The following TYW1 variants were observed in gnomAD, a reference collection of about 807,000 sequenced individuals.
The protein encoded by TYW1 is tRNA-yW synthesizing protein 1 homolog.
A neutral mutation model predicts 96.2 loss-of-function variants in TYW1; 46 were observed. The ratio of observed to expected loss-of-function variants is 0.48; its 90% CI spans 0.38 to 0.61. TYW1 has a LOEUF of 0.61. TYW1 is among the 20% of genes least tolerant of loss of function. The pLI, the probability that TYW1 is intolerant of heterozygous loss-of-function variation, is 0.00. For synonymous variants in TYW1, 274 were observed against 323.0 expected (o/e 0.85, Z 1.63); for missense variants, 684 against 909.6 (o/e 0.75, Z 3.19).
rs1434475522 is a variant in TYW1, at chr7:67,018,400, G to C, written c.861+257G>C. Among the ~76,000 whole-genome samples the C allele has an allele frequency of 4.6e-5, 7 of 151,784 alleles. No homozygotes were observed. The East Asian group carries it at 1.4e-3, about 30-fold the overall frequency. On this transcript the variant is annotated intron_variant, in intron 6 of 15. Transcript: ENST00000359626. Reference sequence around the variant, plus strand: ...CCACAATAATTTTAAATTTAGCAAGGCATGGTGGTGCATGCCTGTTGTCTC... The same window carrying C: ...CCACAATAATTTTAAATTTAGCAAGCCATGGTGGTGCATGCCTGTTGTCTC...
chr7:67,151,165 C>T (rs1364200896), intron 13 of TYW1, among the ~76,000 whole-genome samples: 2 of 152,138 alleles, frequency 1.3e-5, no homozygotes, highest in African/African-American at 4.8e-5. Flanking sequence ...ATTCTCCTGC[C>T]TCAGCCTCCC....
At position 67,125,145 on chromosome 7, in the gene TYW1, T is replaced by C. The variant is rs1360651157; in HGVS notation, c.1698+7527T>C. ...ACTGCGCCTGGCCTGTCTTTGCCAG[T>C]TTAAACTCTTAATATTGCTTGATAA... On this transcript the variant is annotated intron_variant, in intron 13 of 15. Coordinates refer to ENST00000359626, the MANE Select transcript of TYW1 (RefSeq NM_018264.4). Among the ~76,000 whole-genome samples the C allele has an allele frequency of 2.0e-5, 3 of 152,204 alleles. 1 individual carries two copies. Among genetic ancestry groups the C allele is most frequent in the Admixed American group, 1.3e-4 (2 of 15,264 alleles).
At chr7:67,118,136 C>T (rs1797653162) in intron 13 of TYW1, among the ~76,000 whole-genome samples, 1 of 152,022 alleles carries the variant, frequency 6.6e-6, no homozygotes, top group Non-Finnish European at 1.5e-5. Flanking sequence ...ACCAGCCTGG[C>T]CAACATGGTC....
chr7:67,222,451 C>T (rs1652420847), intron 15 of TYW1, among the ~76,000 whole-genome samples: 2 of 149,684 alleles, frequency 1.3e-5, no homozygotes, highest in African/African-American at 5.0e-5. Context: ...TCGTGTTTTG[C>T]CAGTATAGGA....
chr7:67,234,575 T>C (rs1271091021), intron 15 of TYW1, among the ~76,000 whole-genome samples: 1 of 152,078 alleles, frequency 6.6e-6, no homozygotes, highest in East Asian at 1.9e-4. Flanking sequence ...CCCCACACTA[T>C]GGCATTTTGT....
intron 13 of TYW1, among the ~76,000 whole-genome samples, chr7:67,177,531 T>C (rs1023145590): frequency 1.3e-5 from 2 of 152,118 alleles, no homozygotes; most frequent in African/African-American, 4.8e-5. Context: ...AAGACAAATA[T>C]TCCAACAGAG....
At chr7:67,095,304 G>A (rs1403088909) in intron 11 of TYW1, among the ~76,000 whole-genome samples, 1 of 151,964 alleles carries the variant, frequency 6.6e-6, no homozygotes, top group Non-Finnish European at 1.5e-5. Flanking sequence ...CAACCGAACT[G>A]CATGCTTTTT....
intron 6 of TYW1, among the ~76,000 whole-genome samples, chr7:67,018,636 C>CAT (rs1422591151): frequency 2.6e-5 from 4 of 151,764 alleles, no homozygotes; most frequent in Non-Finnish European, 5.9e-5. Context: ...GGAATTAAGC[C>CAT]ATATCGTGCT....
chr7:67,195,157 A>T lies in TYW1; in HGVS notation c.1810-13A>T, dbSNP rs778606107. 1 of 1,613,210 alleles carries T rather than the reference A, an allele frequency of 6.2e-7. No homozygotes were observed. Among genetic ancestry groups the T allele is most frequent in the Non-Finnish European group, 8.5e-7 (1 of 1,179,590 alleles). ...GTCTGTAGTCATCTCTGATGGTTAT[A>T]CTGTTTCCACAGGGCGTTACCTACT... On this transcript the variant is annotated splice_polypyrimidine_tract_variant and intron_variant, in intron 14 of 15. Coordinates refer to ENST00000359626, the MANE Select transcript of TYW1 (RefSeq NM_018264.4).
chr7:67,012,077 T>G (rs2129240347), intron 4 of TYW1, among the ~76,000 whole-genome samples: 1 of 152,074 alleles, frequency 6.6e-6, no homozygotes, highest in South Asian at 2.1e-4. Context: ...AGGCCAGGCG[T>G]GGTGGCTCTC....
intron 13 of TYW1, among the ~76,000 whole-genome samples, chr7:67,150,070 G>A (rs1449835885): frequency 1.3e-5 from 2 of 151,350 alleles, no homozygotes; most frequent in African/African-American, 4.9e-5. Flanking sequence ...GAAAAACACT[G>A]GAGAATTCCC....
chr7:67,004,088 C>T (rs1015931945), intron 3 of TYW1, among the ~76,000 whole-genome samples: 11 of 152,046 alleles, frequency 7.2e-5, no homozygotes, highest in Admixed American at 6.6e-4. Context: ...TCTAAGTGTG[C>T]GAATTCTTTG....
chr7:67,144,433 C>A (rs1455350668), intron 13 of TYW1, among the ~76,000 whole-genome samples: 3 of 152,150 alleles, frequency 2.0e-5, no homozygotes, highest in African/African-American at 7.2e-5. Context: ...CTACAGGTCA[C>A]CTCTTTGTGT....
In TYW1 at chr7:67,098,453, A is replaced by G; in HGVS notation, c.1385-88A>G. On this transcript the variant is annotated intron_variant, in intron 11 of 15. Transcript: ENST00000359626. ...TTGGTATCAAAAATGAATTTGCTCT[A>G]TAAAATCAAAGCATCATTAAGAAAA... The G allele has an allele frequency of 4.3e-6, 6 of 1,392,548 alleles. No individual in the cohort carries two copies. The South Asian group carries it at 5.1e-5, about 12-fold the overall frequency. 86.3% of individuals were successfully genotyped at this position (1,392,548 alleles called of 1,614,324 possible).
chr7:67,151,130 A>C (rs774522228), intron 13 of TYW1, among the ~76,000 whole-genome samples: 5 of 151,178 alleles, frequency 3.3e-5, no homozygotes, highest in Non-Finnish European at 7.4e-5. Context: ...GGCTCACTGC[A>C]ACCTCCGCCT....
intron 13 of TYW1, among the ~76,000 whole-genome samples, chr7:67,162,510 G>A (rs1799193291): frequency 6.6e-6 from 1 of 152,072 alleles, no homozygotes; most frequent in African/African-American, 2.4e-5. Flanking sequence ...ATAGTTTGGG[G>A]CTGCCCTATA....
At chr7:67,040,205 G>T (rs1298267868) in intron 7 of TYW1, among the ~76,000 whole-genome samples, 2 of 152,092 alleles carry the variant, frequency 1.3e-5, no homozygotes, top group Non-Finnish European at 2.9e-5. Flanking sequence ...TGATCCGCCC[G>T]CCTTGGCCTC....
Position 67,135,761 on chromosome 7 carries a change from A to G in TYW1, c.1698+18143A>G, listed in dbSNP as rs771047525. Among the ~76,000 whole-genome samples, 7 of 152,200 alleles carry G rather than the reference A, an allele frequency of 4.6e-5. No homozygotes were observed. The East Asian group carries it at 5.8e-4, about 13-fold the overall frequency. ...CCTGTCCAGGTATGGCAGCCCCACC[A>G]GTTCCTTGTGTCTGACCTGGAAAGC... On this transcript the variant is annotated intron_variant, in intron 13 of 15. Coordinates refer to ENST00000359626, the MANE Select transcript of TYW1 (RefSeq NM_018264.4).
In TYW1 at chr7:67,201,301, T is replaced by A. The variant is rs976438050; in HGVS notation, c.1977+5964T>A. Among the ~76,000 whole-genome samples the A allele has an allele frequency of 5.4e-5, 6 of 110,828 alleles. No individual in the cohort carries two copies. In the Admixed American group the frequency reaches 6.2e-4, roughly 11 times the overall value. The allele number at this position is 110,828 out of a possible 152,430, so 72.7% of individuals were successfully genotyped here. On this transcript the variant is annotated intron_variant, in intron 15 of 15. Transcript: ENST00000359626. The stretch of plus-strand genomic sequence containing the variant: ...GACAACAGAGTGAGACCCTCCTCCA[T>A]TTCTAAAACAACAACAACAACAACA...
Sources: allele counts gnomAD v4.1 joint callset (sites outside exome capture counted in the v4.1 genomes callset), GRCh38; gene constraint gnomAD v4.1.1; transcripts MANE v1.5; gene names NCBI Gene and HGNC (gene_info 2026-07-23, HGNC 2026-07-21).